USP17L7: variants seen among roughly 807,000 people sequenced by gnomAD.
USP17L7 encodes inactive ubiquitin carboxyl-terminal hydrolase 17-like protein 7.
USP17L7 carries 53 observed loss-of-function variants against 37.6 expected under a neutral mutation model. That is an observed-to-expected ratio of 1.41 (90% CI 1.13 to 1.77). The LOEUF is 1.77. Ranked by LOEUF, USP17L7 falls within the 40% of genes most tolerant of loss-of-function variation. The pLI, the probability that USP17L7 is intolerant of heterozygous loss-of-function variation, is 0.00. For synonymous variants in USP17L7, 330 were observed against 251.0 expected (o/e 1.31, Z -2.98); for missense variants, 914 against 645.0 (o/e 1.42, Z -4.52).
Position 12,133,517 on chromosome 8 carries a change from G to A in USP17L7, c.493C>T (p.Leu165Phe), listed in dbSNP as rs746643596. The A allele has an allele frequency of 4.1e-6, 6 of 1,471,934 alleles. No individual in the cohort carries two copies. The African/African-American group carries it at 8.5e-5, about 21-fold the overall frequency. The allele number at this position is 1,471,934 out of a possible 1,614,324, so 91.2% of individuals were successfully genotyped here. A position where few individuals can be genotyped will look rare whatever the true frequency, so the allele number is the denominator to read the frequency against. Residue 165 changes from leucine to phenylalanine, a missense_variant, in exon 1 of 1, where the codon CTC (leucine) becomes TTC (phenylalanine). Coordinates refer to ENST00000530447, the MANE Select transcript of USP17L7 (RefSeq NM_001256869.2). ...RGEQEDAHEF[L>F]MFTVDAMKKA... Reference sequence around the variant, plus strand: ...TTCATGGCATCCACAGTAAACATGAGAAATTCATGGGCATCCTCCTGCTCA... The same window carrying A: ...TTCATGGCATCCACAGTAAACATGAAAAATTCATGGGCATCCTCCTGCTCA...
Position 12,132,758 on chromosome 8 carries a change from G to T in USP17L7, c.1252C>A (p.Pro418Thr), listed in dbSNP as rs757267356. 2.6e-6 allele frequency: 4 copies of T among 1,526,176 alleles called. 1 individual carries two copies. The highest frequency in any genetic ancestry group is 3.6e-6 in the Non-Finnish European group (4 of 1,122,270). The allele number at this position is 1,526,176 out of a possible 1,614,324, so 94.5% of individuals were successfully genotyped here. ...LKRDHPCLQVPELDEHLVERA... is the reference protein window; with the variant it reads ...LKRDHPCLQVTELDEHLVERA... ...TCCACCAAGTGCTCGTCCAACTCGG[G>T]TACCTGGAGGCAAGGGTGGTCTCTC... Residue 418 changes from proline to threonine, a missense_variant, in exon 1 of 1, where the codon CCC becomes ACC. Physicochemically the swap from Pro to Thr is conservative, Grantham distance 38 (BLOSUM62 -1). Coordinates refer to ENST00000530447, the MANE Select transcript of USP17L7 (RefSeq NM_001256869.2).
In USP17L7 at chr8:12,133,751, T is replaced by A; in HGVS notation, c.259A>T (p.Asn87Tyr). Residue 87 changes from asparagine to tyrosine, a missense_variant, in exon 1 of 1, where the codon AAT becomes TAT. Physicochemically the swap from Asn to Tyr is moderately radical, Grantham distance 143. Transcript: ENST00000530447. Reference protein sequence around the residue: ...AVGAGLQKIGNTFYVNVSLQC... With the variant: ...AVGAGLQKIGYTFYVNVSLQC... ...AGGGAAACGTTCACATAGAAGGTAT[T>A]TCCTATCTTCTGGAGCCCAGCCCCC... 2.8e-6 allele frequency: 4 copies of A among 1,432,206 alleles called. No individual in the cohort carries two copies. Among genetic ancestry groups the A allele is most frequent in the Non-Finnish European group, 3.8e-6 (4 of 1,039,720 alleles). The allele number at this position is 1,432,206 out of a possible 1,614,324, so 88.7% of individuals were successfully genotyped here.
rs1207240305 is a variant in USP17L7 at position 12,134,005 on chromosome 8, TC to T, written c.4del (p.Glu2LysfsTer24). ...ACCTCCCAAATAGAGTGAGTCGTCT[TC>T]CATGTCGCCCGCAACAAGGATCACA... M[E>X]DDSLYLGGDW... On this transcript the variant is annotated frameshift_variant, in exon 1 of 1. Coordinates refer to ENST00000530447, the MANE Select transcript of USP17L7 (RefSeq NM_001256869.2). LOFTEE classifies it high-confidence loss of function. 7 of 1,030,370 alleles carry T rather than the reference TC, an allele frequency of 6.8e-6. No individual in the cohort carries two copies. In the African/African-American group the frequency reaches 7.9e-5, roughly 12 times the overall value. 63.8% of individuals were successfully genotyped at this position (1,030,370 alleles called of 1,614,324 possible). A position where few individuals can be genotyped will look rare whatever the true frequency, so the allele number is the denominator to read the frequency against.
rs1267462572 is a variant in USP17L7, at chr8:12,133,746, G to T, written c.264C>A (p.Thr88=). Residue 88 remains threonine (T), a synonymous_variant, in exon 1 of 1, where the codon ACC becomes ACA. Coordinates refer to ENST00000530447, the MANE Select transcript of USP17L7 (RefSeq NM_001256869.2). ...ACTGCAGGGAAACGTTCACATAGAA[G>T]GTATTTCCTATCTTCTGGAGCCCAG... is the stretch of plus-strand genomic sequence containing the variant. The part of the protein sequence containing the change: ...VGAGLQKIGN[T]FYVNVSLQCL... The T allele has an allele frequency of 7.1e-7, 1 of 1,414,172 alleles. No individual in the cohort carries two copies. The highest frequency in any genetic ancestry group is 9.8e-7 in the Non-Finnish European group (1 of 1,023,368). The allele number at this position is 1,414,172 out of a possible 1,614,324, so 87.6% of individuals were successfully genotyped here.
rs781732977 is a variant in USP17L7 at position 12,133,268 on chromosome 8, C to T, written c.742G>A (p.Gly248Arg). The change falls in exon 1 of 1, where the codon GGA becomes AGA. Residue 248 changes from glycine (G) to arginine (R), a missense_variant. Physicochemically the swap from Gly to Arg is moderately radical, Grantham distance 125 (BLOSUM62 -2). Coordinates refer to ENST00000530447, the MANE Select transcript of USP17L7 (RefSeq NM_001256869.2). ...EQLVKPKELN[G>R]ENAYHCGLCL... is the part of the protein sequence containing the mutation. Reference sequence around the variant, plus strand: ...AGACCACAATGATAGGCATTCTCTCCATTGAGTTCTTTGGGCTTCACCAAC... The same window carrying T: ...AGACCACAATGATAGGCATTCTCTCTATTGAGTTCTTTGGGCTTCACCAAC... 13 of 1,517,032 alleles carry T rather than the reference C, an allele frequency of 8.6e-6. 3 individuals carry two copies. The Admixed American group carries it at 2.1e-4, about 24-fold the overall frequency. 94.0% of individuals were successfully genotyped at this position (1,517,032 alleles called of 1,614,324 possible).
At position 12,132,664 on chromosome 8, in the gene USP17L7, T is replaced by G; in HGVS notation, c.1346A>C (p.Glu449Ala). 3 of 1,542,572 alleles carry G rather than the reference T, an allele frequency of 1.9e-6. No individual in the cohort carries two copies. Among genetic ancestry groups the G allele is most frequent in the Non-Finnish European group, 2.6e-6 (3 of 1,138,010 alleles). The change falls in exon 1 of 1, where the codon GAG (glutamate) becomes GCG (alanine). Residue 449 changes from glutamate (E) to alanine (A), a missense_variant. Physicochemically the swap from Glu to Ala is moderately radical, Grantham distance 107 (BLOSUM62 -1). Transcript: ENST00000530447. ...FPQEQNKTKP[E>A]FNVRKVEGTL... ...ACCTTCAACTTTTCTGACGTTGAACTCAGGCTTCGTTTTGTTTTGCTCTTG... is the reference window on the plus strand; with the variant it reads ...ACCTTCAACTTTTCTGACGTTGAACGCAGGCTTCGTTTTGTTTTGCTCTTG...
At position 12,134,094 on chromosome 8, in the gene USP17L7, A is replaced by G; in HGVS notation, c.-85T>C. On this transcript the variant is annotated 5_prime_UTR_variant, in exon 1 of 1. Transcript: ENST00000530447. ...CTATCTCTTCCGAGAGAGTCTTCAAATGACCAGCTCTCTGGCCGCATCAGC... is the reference window on the plus strand; with the variant it reads ...CTATCTCTTCCGAGAGAGTCTTCAAGTGACCAGCTCTCTGGCCGCATCAGC... The G allele has an allele frequency of 5.1e-6, 4 of 791,346 alleles. 1 individual carries two copies. Among genetic ancestry groups the G allele is most frequent in the South Asian group, 1.5e-5 (1 of 67,134 alleles). 49.0% of individuals were successfully genotyped at this position (791,346 alleles called of 1,614,324 possible).
At position 12,133,110 on chromosome 8, in the gene USP17L7, G is replaced by A. The variant is rs771813328; in HGVS notation, c.900C>T (p.Cys300=). 35 of 1,483,170 alleles carry A rather than the reference G, an allele frequency of 2.4e-5. 1 individual carries two copies. Among genetic ancestry groups the A allele is most frequent in the Non-Finnish European group, 2.9e-5 (32 of 1,086,854 alleles). 91.9% of individuals were successfully genotyped at this position (1,483,170 alleles called of 1,614,324 possible). A position where few individuals can be genotyped will look rare whatever the true frequency, so the allele number is the denominator to read the frequency against. ...KLAKNVQYPK[C]RDMQPYMSQQ... ...GAGACATGTATGGCTGCATGTCACG[G>A]CACTTAGGATATTGCACATTCTTGG... Residue 300 remains cysteine, a synonymous_variant, in exon 1 of 1, where the codon TGC becomes TGT. Transcript: ENST00000530447.
rs373078712 is a variant in USP17L7 at position 12,132,535 on chromosome 8, G to C, written c.1475C>G (p.Thr492Arg). Residue 492 changes from threonine (T) to arginine (R), a missense_variant, in exon 1 of 1, where the codon ACG becomes AGG. Coordinates refer to ENST00000530447, the MANE Select transcript of USP17L7 (RefSeq NM_001256869.2). ...QQSSLLNLSSTKPTDQESMNT... is the reference protein window; with the variant it reads ...QQSSLLNLSSRKPTDQESMNT... ...CATGGACTCCTGATCTGTCGGTTTCGTCGAAGAGAGGTTTAGCAGGGAGCT... is the reference window on the plus strand; with the variant it reads ...CATGGACTCCTGATCTGTCGGTTTCCTCGAAGAGAGGTTTAGCAGGGAGCT... 5.3e-6 allele frequency: 8 copies of C among 1,513,658 alleles called. 3 individuals are homozygous for C. The highest frequency in any genetic ancestry group is 7.2e-6 in the Non-Finnish European group (8 of 1,113,882). The allele number at this position is 1,513,658 out of a possible 1,614,324, so 93.8% of individuals were successfully genotyped here.
In USP17L7 at chr8:12,132,431, G is replaced by T; in HGVS notation, c.1579C>A (p.Leu527Ile). 7.1e-7 allele frequency: 1 copy of T among 1,413,078 alleles called. No individual in the cohort carries two copies. The highest frequency in any genetic ancestry group is 1.3e-5 in the South Asian group (1 of 77,568). 87.5% of individuals were successfully genotyped at this position (1,413,078 alleles called of 1,614,324 possible). A position where few individuals can be genotyped will look rare whatever the true frequency, so the allele number is the denominator to read the frequency against. Reference protein sequence around the residue: ...GNNKHSKRSLLVCQ With the variant: ...GNNKHSKRSLIVCQ ...TTCCACTGTGATCACTGGCACACAA[G>T]CAGAGATCTCTTGCTGTGTTTGTTA... The change falls in exon 1 of 1, where the codon CTT becomes ATT. Residue 527 changes from leucine to isoleucine, a missense_variant. By Grantham distance (5) the Leu-to-Ile change is conservative (BLOSUM62 2). Coordinates refer to ENST00000530447, the MANE Select transcript of USP17L7 (RefSeq NM_001256869.2).
rs753020927 is a variant in USP17L7 at position 12,133,395 on chromosome 8, G to T, written c.615C>A (p.Ile205=). 6.9e-7 allele frequency: 1 copy of T among 1,455,312 alleles called. No homozygotes were observed. Among genetic ancestry groups the T allele is most frequent in the Non-Finnish European group, 9.4e-7 (1 of 1,067,520 alleles). 90.1% of individuals were successfully genotyped at this position (1,455,312 alleles called of 1,614,324 possible). A position where few individuals can be genotyped will look rare whatever the true frequency, so the allele number is the denominator to read the frequency against. ...AAACGCCGTGGCAGTGGAGATACTT[G>T]ATTTGAGATCTCCAATACGCTCCAA... ...QIFGAYWRSQ[I]KYLHCHGVSD... The change falls in exon 1 of 1, where the codon ATC becomes ATA. Residue 205 remains isoleucine, a synonymous_variant. Coordinates refer to ENST00000530447, the MANE Select transcript of USP17L7 (RefSeq NM_001256869.2).
rs760803537 is a variant in USP17L7 at position 12,133,868 on chromosome 8, G to T, written c.142C>A (p.Arg48Ser). Reference sequence around the variant, plus strand: ...GCCAAATCATCACAGAGGTCGAAACGGGTCTCAGATGAGAGTGGTGACTTT... The same window carrying T: ...GCCAAATCATCACAGAGGTCGAAACTGGTCTCAGATGAGAGTGGTGACTTT... The part of the protein sequence containing the change: ...SEKSPLSSET[R>S]FDLCDDLAPV... The change falls in exon 1 of 1, where the codon CGT (arginine) becomes AGT (serine). Residue 48 changes from arginine to serine, a missense_variant. Coordinates refer to ENST00000530447, the MANE Select transcript of USP17L7 (RefSeq NM_001256869.2). 3 of 1,521,160 alleles carry T rather than the reference G, an allele frequency of 2.0e-6. 1 individual carries two copies. The highest frequency in any genetic ancestry group is 1.2e-5 in the South Asian group (1 of 80,922). 94.2% of individuals were successfully genotyped at this position (1,521,160 alleles called of 1,614,324 possible).
rs1228439257 is a variant in USP17L7 at position 12,133,263 on chromosome 8, C to T, written c.747G>A (p.Glu249=). The T allele has an allele frequency of 6.6e-7, 1 of 1,515,816 alleles. No homozygotes were observed. The highest frequency in any genetic ancestry group is 8.9e-7 in the Non-Finnish European group (1 of 1,118,316). 93.9% of individuals were successfully genotyped at this position (1,515,816 alleles called of 1,614,324 possible). ...GACAAAGACCACAATGATAGGCATT[C>T]TCTCCATTGAGTTCTTTGGGCTTCA... The part of the protein sequence containing the change: ...QLVKPKELNG[E]NAYHCGLCLQ... The change falls in exon 1 of 1, where the codon GAG becomes GAA. Residue 249 remains glutamate (E), a synonymous_variant. Transcript: ENST00000530447.
At position 12,133,111 on chromosome 8, in the gene USP17L7, C is replaced by T. The variant is rs1351467789; in HGVS notation, c.899G>A (p.Cys300Tyr). The change falls in exon 1 of 1, where the codon TGC (cysteine) becomes TAC (tyrosine). Residue 300 changes from cysteine to tyrosine, a missense_variant. By Grantham distance (194) the Cys-to-Tyr change is radical. Coordinates refer to ENST00000530447, the MANE Select transcript of USP17L7 (RefSeq NM_001256869.2). Reference protein sequence around the residue: ...KLAKNVQYPKCRDMQPYMSQQ... With the variant: ...KLAKNVQYPKYRDMQPYMSQQ... Reference sequence around the variant, plus strand: ...AGACATGTATGGCTGCATGTCACGGCACTTAGGATATTGCACATTCTTGGC... The same window carrying T: ...AGACATGTATGGCTGCATGTCACGGTACTTAGGATATTGCACATTCTTGGC... The T allele has an allele frequency of 2.0e-6, 3 of 1,483,792 alleles. No individual in the cohort carries two copies. Among genetic ancestry groups the T allele is most frequent in the African/African-American group, 1.4e-5 (1 of 71,748 alleles). The allele number at this position is 1,483,792 out of a possible 1,614,324, so 91.9% of individuals were successfully genotyped here.
chr8:12,132,601 T>A lies in USP17L7; in HGVS notation c.1409A>T (p.Lys470Ile). ...PPNVLVIHQS[K>I]YKCGMKNHHP... ...ATGGTTTTTCATACCACACTTGTAT[T>A]TTGATTGATGAATCACAAGTACGTT... Residue 470 changes from lysine (K) to isoleucine (I), a missense_variant, in exon 1 of 1, where the codon AAA becomes ATA. Lys to Ile is a moderately radical substitution (Grantham distance 102). Transcript: ENST00000530447. 6.5e-7 allele frequency: 1 copy of A among 1,532,026 alleles called. No individual in the cohort carries two copies. The highest frequency in any genetic ancestry group is 8.9e-7 in the Non-Finnish European group (1 of 1,128,908). 94.9% of individuals were successfully genotyped at this position (1,532,026 alleles called of 1,614,324 possible).
In USP17L7 at chr8:12,134,002, T is replaced by C. The variant is rs1247889230; in HGVS notation, c.8A>G (p.Asp3Gly). Residue 3 changes from aspartate (D) to glycine (G), a missense_variant, in exon 1 of 1, where the codon GAC becomes GGC. Physicochemically the swap from Asp to Gly is moderately conservative, Grantham distance 94. Transcript: ENST00000530447. ...GTCACCTCCCAAATAGAGTGAGTCG[T>C]CTTCCATGTCGCCCGCAACAAGGAT... Reference protein sequence around the residue: MEDDSLYLGGDWQ... With the variant: MEGDSLYLGGDWQ... 8.7e-6 allele frequency: 9 copies of C among 1,039,918 alleles called. No homozygotes were observed. The highest frequency in any genetic ancestry group is 1.0e-5 in the Non-Finnish European group (7 of 684,922). The allele number at this position is 1,039,918 out of a possible 1,614,324, so 64.4% of individuals were successfully genotyped here.
At position 12,133,600 on chromosome 8, in the gene USP17L7, T is replaced by C. The variant is rs1165590457; in HGVS notation, c.410A>G (p.His137Arg). 6.2e-6 allele frequency: 8 copies of C among 1,291,836 alleles called. No individual in the cohort carries two copies. The highest frequency in any genetic ancestry group is 8.8e-6 in the Non-Finnish European group (8 of 912,998). The allele number at this position is 1,291,836 out of a possible 1,614,324, so 80.0% of individuals were successfully genotyped here. A position where few individuals can be genotyped will look rare whatever the true frequency, so the allele number is the denominator to read the frequency against. The change falls in exon 1 of 1, where the codon CAC (histidine) becomes CGC (arginine). Residue 137 changes from histidine to arginine, a missense_variant. By Grantham distance (29) the His-to-Arg change is conservative. Transcript: ENST00000530447. The part of the protein sequence containing the change: ...TMQAHITWAL[H>R]SPGHVIQPSQ... ...GGGCTGGATGACATGGCCAGGACTGTGGAGGGCCCATGTGATGTGAGCTTG... is the reference window on the plus strand; with the variant it reads ...GGGCTGGATGACATGGCCAGGACTGCGGAGGGCCCATGTGATGTGAGCTTG...
chr8:12,133,747 G>T lies in USP17L7; in HGVS notation c.263C>A (p.Thr88Asn), dbSNP rs1357404216. The part of the protein sequence containing the change: ...VGAGLQKIGN[T>N]FYVNVSLQCL... ...CTGCAGGGAAACGTTCACATAGAAG[G>T]TATTTCCTATCTTCTGGAGCCCAGC... The change falls in exon 1 of 1, where the codon ACC (threonine) becomes AAC (asparagine). Residue 88 changes from threonine (T) to asparagine (N), a missense_variant. By Grantham distance (65) the Thr-to-Asn change is moderately conservative. Coordinates refer to ENST00000530447, the MANE Select transcript of USP17L7 (RefSeq NM_001256869.2). 1.4e-6 allele frequency: 2 copies of T among 1,413,932 alleles called. No individual in the cohort carries two copies. Among genetic ancestry groups the T allele is most frequent in the South Asian group, 1.3e-5 (1 of 77,942 alleles). The allele number at this position is 1,413,932 out of a possible 1,614,324, so 87.6% of individuals were successfully genotyped here.
In USP17L7 at chr8:12,133,135, G is replaced by A. The variant is rs540286411; in HGVS notation, c.875C>T (p.Ala292Val). ...RFSDVTGNKL[A>V]KNVQYPKCRD... is the part of the protein sequence containing the mutation. ...GCACTTAGGATATTGCACATTCTTG[G>A]CAAGTTTGTTGCCTGTGACATCGGA... Residue 292 changes from alanine to valine, a missense_variant, in exon 1 of 1, where the codon GCC becomes GTC. By Grantham distance (64) the Ala-to-Val change is moderately conservative. Coordinates refer to ENST00000530447, the MANE Select transcript of USP17L7 (RefSeq NM_001256869.2). 5 of 1,506,164 alleles carry A rather than the reference G, an allele frequency of 3.3e-6. 1 individual carries two copies. The highest frequency in any genetic ancestry group is 2.8e-5 in the African/African-American group (2 of 71,950). 93.3% of individuals were successfully genotyped at this position (1,506,164 alleles called of 1,614,324 possible). A position where few individuals can be genotyped will look rare whatever the true frequency, so the allele number is the denominator to read the frequency against.
Sources: gnomAD v4.1 joint callset for allele counts on GRCh38, gnomAD v4.1.1 for gene constraint, MANE v1.5 for transcripts, NCBI Gene and HGNC (gene_info 2026-07-23, HGNC 2026-07-21) for gene names.